The following NCAM2 variants were observed in gnomAD, a reference collection of about 807,000 sequenced individuals.
NCAM2 encodes the protein neural cell adhesion molecule 2.
NCAM2 carries 30 observed loss-of-function variants against 98.1 expected under a neutral mutation model. The ratio of observed to expected loss-of-function variants is 0.31; its 90% confidence interval spans 0.23 to 0.41. NCAM2 has a LOEUF of 0.41. Among genes scored for constraint, NCAM2 ranks in the 10% least tolerant of loss-of-function variants. The pLI is 1.00. For missense variants in NCAM2, 867 were observed against 1,005.8 expected, an observed-to-expected ratio of 0.86 and a Z score of 1.87; for synonymous variants, 368 against 342.4, an observed-to-expected ratio of 1.07 and a Z score of -0.83.
At chr21:21,280,502 G>A in intron 1 of NCAM2, 76 bp from the exon 2 acceptor site, 1 of 1,002,826 alleles carries the variant, frequency 1.0e-6, no homozygotes, top group South Asian at 1.4e-5. Context: ...GGACCATGTG[G>A]TTTAGACATC....
At chr21:21,275,992 T>C (rs188752057) in intron 1 of NCAM2, among the ~76,000 whole-genome samples, 1 of 152,296 alleles carries the variant, frequency 6.6e-6, no homozygotes, top group Non-Finnish European at 1.5e-5. Context: ...GGACCTTGTC[T>C]ATACTGACCT....
At chr21:21,329,988 A>G (rs1455291256) in intron 6 of NCAM2, among the ~76,000 whole-genome samples, 3 of 151,728 alleles carry the variant, frequency 2.0e-5, no homozygotes, top group Non-Finnish European at 4.4e-5. Flanking sequence ...TTTCTGTAGT[A>G]TTCTCCCCTC....
rs960236677 is a variant in NCAM2, at chr21:21,153,539, G to A, written c.56-127039G>A. 7.9e-5 allele frequency among the ~76,000 whole-genome samples: 12 copies of A among 152,014 alleles called. No homozygotes were observed. In the South Asian group the frequency reaches 1.9e-3, roughly 24 times the overall value. On this transcript the variant is annotated intron_variant, in intron 1 of 17. Coordinates refer to ENST00000400546, the MANE Select transcript of NCAM2 (RefSeq NM_004540.5). Reference sequence around the variant, plus strand: ...TGCATATTTAAATGAACGTTTGGAGGAGAAAGAAATCCATTTTAAGTAGTG... The same window carrying A: ...TGCATATTTAAATGAACGTTTGGAGAAGAAAGAAATCCATTTTAAGTAGTG...
chr21:21,453,359 G>A (rs902381577), intron 12 of NCAM2, among the ~76,000 whole-genome samples: 4 of 151,606 alleles, frequency 2.6e-5, no homozygotes, highest in African/African-American at 9.7e-5. Flanking sequence ...CCTTGGCAGA[G>A]GTCAGTATGA....
chr21:21,495,709 A>C (rs1426510539), intron 15 of NCAM2, among the ~76,000 whole-genome samples: 1 of 152,012 alleles, frequency 6.6e-6, no homozygotes, highest in Non-Finnish European at 1.5e-5. Context: ...TCAGAATCAC[A>C]CACAGTTTCA....
intron 8 of NCAM2, among the ~76,000 whole-genome samples, chr21:21,368,465 G>A (rs1156316619): frequency 1.3e-5 from 2 of 151,598 alleles, no homozygotes; most frequent in African/African-American, 4.8e-5. Context: ...GTCTGTTCAC[G>A]CTGCTATAAC....
chr21:21,202,683 T>G (rs940022196), intron 1 of NCAM2, among the ~76,000 whole-genome samples: 2 of 152,156 alleles, frequency 1.3e-5, no homozygotes, highest in Non-Finnish European at 2.9e-5. Context: ...CCCAAAGTGC[T>G]GGGATTACAG....
At chr21:21,522,327 A>G (rs1051910684) in intron 16 of NCAM2, among the ~76,000 whole-genome samples, 8 of 149,736 alleles carry the variant, frequency 5.3e-5, no homozygotes, top group Admixed American at 4.7e-4. Flanking sequence ...CCTTATCTAT[A>G]TAGAATACTG....
rs576538332 is a variant in NCAM2, at chr21:21,210,701, A to C, written c.56-69877A>C. On this transcript the variant is annotated intron_variant, in intron 1 of 17. Coordinates refer to ENST00000400546, the MANE Select transcript of NCAM2 (RefSeq NM_004540.5). ...ACTTATTACAGGACAGGTCAGCTGG[A>C]CCATTGCCCAGGGCTGTAATCTATA... The C allele has an allele frequency of 8.4e-4, 1,005 of 1,190,312 alleles. 16 individuals are homozygous for C. The South Asian group carries it at 0.014, about 16-fold the overall frequency. The allele number at this position is 1,190,312 out of a possible 1,614,324, so 73.7% of individuals were successfully genotyped here.
intron 5 of NCAM2, among the ~76,000 whole-genome samples, chr21:21,304,328 ATT>A (rs5842915): frequency 2.0e-5 from 3 of 150,316 alleles, no homozygotes; most frequent in African/African-American, 2.4e-5. Flanking sequence ...GGTTTGTTGT[ATT>A]TTTTTTTTGG....
chr21:21,200,251 A>G lies in NCAM2; in HGVS notation c.56-80327A>G, dbSNP rs551296450. Among the ~76,000 whole-genome samples, 6 of 152,208 alleles carry G rather than the reference A, an allele frequency of 3.9e-5. No individual in the cohort carries two copies. In the South Asian group the frequency reaches 1.2e-3, roughly 32 times the overall value. On this transcript the variant is annotated intron_variant, in intron 1 of 17. Coordinates refer to ENST00000400546, the MANE Select transcript of NCAM2 (RefSeq NM_004540.5). ...ATAGAAATGCACTTTGAAAAAGATGACACTTTAGAACATAATCAAATGGAC... is the reference window on the plus strand; with the variant it reads ...ATAGAAATGCACTTTGAAAAAGATGGCACTTTAGAACATAATCAAATGGAC...
In NCAM2 at chr21:21,425,040, C is replaced by CAAAAAAA. The variant is rs1192128472; in HGVS notation, c.1480+6493_1480+6499dup. On this transcript the variant is annotated intron_variant, in intron 11 of 17. Transcript: ENST00000400546. ...GACAAAAGCGGGACTCTTCCTCCTC[C>CAAAAAAA]AAAAAAAAAAAAAAAAAAAAAAAAA... Among the ~76,000 whole-genome samples the CAAAAAAA allele has an allele frequency of 2.2e-3, 95 of 43,850 alleles. 11 individuals are homozygous for CAAAAAAA. The highest frequency in any genetic ancestry group is 2.8e-3 in the Non-Finnish European group (64 of 22,838). 28.8% of individuals were successfully genotyped at this position (43,850 alleles called of 152,430 possible). A position where few individuals can be genotyped will look rare whatever the true frequency, so the allele number is the denominator to read the frequency against.
intron 16 of NCAM2, among the ~76,000 whole-genome samples, chr21:21,524,008 A>T (rs1304159706): frequency 2.0e-5 from 3 of 149,086 alleles, no homozygotes; most frequent in Non-Finnish European, 3.0e-5. Context: ...CAGAGTAAAT[A>T]AAAAAAAACG....
chr21:21,530,183 A>T (rs1449813058), intron 16 of NCAM2, among the ~76,000 whole-genome samples: 2 of 110,800 alleles, frequency 1.8e-5, no homozygotes, highest in African/African-American at 3.9e-5. Flanking sequence ...ATTATATATG[A>T]TTTAATTTAA....
chr21:21,066,032 C>T (rs2065429668), intron 1 of NCAM2, among the ~76,000 whole-genome samples: 1 of 152,070 alleles, frequency 6.6e-6, no homozygotes, highest in African/African-American at 2.4e-5. Flanking sequence ...CAGGGAGTGT[C>T]CTTGTTAAGT....
chr21:21,024,498 A>T (rs535448412), intron 1 of NCAM2, among the ~76,000 whole-genome samples: 1 of 152,220 alleles, frequency 6.6e-6, no homozygotes, highest in Non-Finnish European at 1.5e-5. Flanking sequence ...AAAGGTATAA[A>T]TGACTTCAAT....
At chr21:21,368,128 C>T (rs2034123557) in intron 8 of NCAM2, among the ~76,000 whole-genome samples, 1 of 151,554 alleles carries the variant, frequency 6.6e-6, no homozygotes, top group Non-Finnish European at 1.5e-5. Flanking sequence ...ACGGAATAGA[C>T]TTTATACATG....
chr21:21,245,407 A>T (rs770448901), intron 1 of NCAM2, among the ~76,000 whole-genome samples: 12 of 152,210 alleles, frequency 7.9e-5, no homozygotes, highest in Non-Finnish European at 1.3e-4. Context: ...GCTTGATAAC[A>T]TGGGCATCAC....
Position 21,530,936 on chromosome 21 carries a change from C to G in NCAM2, c.2283-3601C>G, listed in dbSNP as rs1197126282. On this transcript the variant is annotated intron_variant, in intron 16 of 17. Coordinates refer to ENST00000400546, the MANE Select transcript of NCAM2 (RefSeq NM_004540.5). ...ATGGCTGCAATAAAAGCAAAGAATG[C>G]ATATTTCTCTACAACTTCTGACATA... is the stretch of plus-strand genomic sequence containing the variant. Among the ~76,000 whole-genome samples the G allele has an allele frequency of 2.0e-5, 3 of 151,986 alleles. No homozygotes were observed. In the East Asian group the frequency reaches 5.8e-4, roughly 29 times the overall value.
Sources: allele counts gnomAD v4.1 joint callset (sites outside exome capture counted in the v4.1 genomes callset), GRCh38; gene constraint gnomAD v4.1.1; transcripts MANE v1.5; gene names NCBI Gene and HGNC (gene_info 2026-07-23, HGNC 2026-07-21).